The following LRTM3 variants were observed in gnomAD, a reference collection of about 807,000 sequenced individuals.
LRTM3 encodes leucine-rich repeat transmembrane protein 3.
the LRTM3 span, chr13:102,743,514 T>C: frequency 1.4e-4 from 214 of 1,548,810 alleles, 2 homozygotes; most frequent in African/African-American, 2.5e-3. Flanking sequence ...TTTTCCTTCA[T>C]AGTTAAACAT....
At chr13:102,747,449 A>G in the LRTM3 span, 2 of 1,548,610 alleles carry the variant, frequency 1.3e-6, no homozygotes, top group Non-Finnish European at 1.7e-6. Flanking sequence ...GACACTGAGT[A>G]CACTTTTTGT....
At chr13:102,755,931 G>GTGTA in the LRTM3 span, among the ~76,000 whole-genome samples, 1 of 115,506 alleles carries the variant, frequency 8.7e-6, no homozygotes, top group Admixed American at 8.6e-5. Flanking sequence ...GTGTGTGTGT[G>GTGTA]TATATATATA....
At chr13:102,739,888 C>T in the LRTM3 span, 39 of 1,550,086 alleles carry the variant, frequency 2.5e-5, 1 homozygote, top group South Asian at 4.2e-4. Context: ...CTGTCATGTT[C>T]CACTGCATTT....
At chr13:102,758,221 A>C in the LRTM3 span, among the ~76,000 whole-genome samples, 3 of 152,348 alleles carry the variant, frequency 2.0e-5, no homozygotes, top group East Asian at 5.8e-4. Flanking sequence ...GATAATTTCA[A>C]TAATATACGA....
At chr13:102,742,419 G>A in the LRTM3 span, 3 of 1,547,090 alleles carry the variant, frequency 1.9e-6, no homozygotes, top group Middle Eastern at 3.3e-4. Flanking sequence ...AGCTCTTGCT[G>A]TTTCTTTGGC....
chr13:102,736,005 T>C, the LRTM3 span: 5 of 1,550,008 alleles, frequency 3.2e-6, no homozygotes, highest in African/African-American at 6.9e-5. Flanking sequence ...TGTATCCTTT[T>C]GGGGAGTATT....
chr13:102,747,414 T>A, the LRTM3 span: 1 of 1,548,826 alleles, frequency 6.5e-7, no homozygotes, highest in East Asian at 2.4e-5. Flanking sequence ...ATTGCTGGCT[T>A]CTTTACTTTC....
At chr13:102,741,542 G>A in the LRTM3 span, 5 of 1,549,972 alleles carry the variant, frequency 3.2e-6, no homozygotes. Context: ...TTCTTCCTCA[G>A]TTACCTTTCC....
chr13:102,741,609 T>C, the LRTM3 span: 1 of 1,550,502 alleles, frequency 6.4e-7, no homozygotes, highest in Non-Finnish European at 8.7e-7. Context: ...CCCAGGTTTG[T>C]CATAGAAATA....
the LRTM3 span, chr13:102,738,859 G>C: frequency 3.7e-4 from 577 of 1,550,382 alleles, 2 homozygotes; most frequent in African/African-American, 7.1e-3. Context: ...CTAATTCTTG[G>C]AATATTGAAG....
the LRTM3 span, chr13:102,743,055 C>A: frequency 2.6e-6 from 4 of 1,550,264 alleles, no homozygotes; most frequent in South Asian, 1.2e-5. Flanking sequence ...AAAAGCACAT[C>A]CTCTGATTTA....
chr13:102,738,682 A>C, the LRTM3 span: 1 of 1,550,490 alleles, frequency 6.4e-7, no homozygotes, highest in Non-Finnish European at 8.7e-7. Flanking sequence ...ACTCTTGGAG[A>C]TTTGGTTGTG....
At chr13:102,751,778 T>G in the LRTM3 span, among the ~76,000 whole-genome samples, 1 of 152,234 alleles carries the variant, frequency 6.6e-6, no homozygotes, top group South Asian at 2.1e-4. Context: ...AAATTATTTG[T>G]GCTAAATGAT....
chr13:102,751,270 A>G, the LRTM3 span, among the ~76,000 whole-genome samples: 4 of 151,840 alleles, frequency 2.6e-5, no homozygotes, highest in South Asian at 2.1e-4. Context: ...TAAACTGCAC[A>G]CTTTAGGCTT....
At chr13:102,741,739 T>C in the LRTM3 span, 13 of 1,550,398 alleles carry the variant, frequency 8.4e-6, no homozygotes, top group Non-Finnish European at 1.1e-5. Context: ...TCGATCCTTC[T>C]CTCTCCCACG....
At chr13:102,759,035 C>A in the LRTM3 span, 1 of 672,886 alleles carries the variant, frequency 1.5e-6, no homozygotes. Flanking sequence ...TAACCATGTG[C>A]AACATTTGGC....
At chr13:102,730,973 A>G in the LRTM3 span, 3 of 1,551,508 alleles carry the variant, frequency 1.9e-6, no homozygotes, top group South Asian at 1.2e-5. Context: ...AGCACTGGTC[A>G]TTGCATAAGA....
the LRTM3 span, among the ~76,000 whole-genome samples, chr13:102,753,328 G>T: frequency 6.6e-6 from 1 of 152,060 alleles, no homozygotes; most frequent in South Asian, 2.1e-4. Flanking sequence ...TCAGGGAGGT[G>T]AGGGGCACAG....
the LRTM3 span, chr13:102,747,900 T>A: frequency 6.4e-7 from 1 of 1,551,212 alleles, no homozygotes; most frequent in South Asian, 1.2e-5. Context: ...TACTTGGGCT[T>A]TTGCTTTAGA....
Sources: gnomAD v4.1 joint callset for allele counts (sites outside exome capture counted in the v4.1 genomes callset) on GRCh38, gnomAD v4.1.1 for gene constraint, MANE v1.5 for transcripts, NCBI Gene and HGNC (gene_info 2026-07-23, HGNC 2026-07-21) for gene names.